Variants in RAB28 observed in about 807,000 individuals in gnomAD.
RAB28 encodes ras-related protein Rab-28.
Under a neutral mutation model 31.7 loss-of-function variants are expected in RAB28, and 24 were observed. That is an observed-to-expected ratio of 0.76 (90% CI 0.55 to 1.06). RAB28 has a LOEUF of 1.06. RAB28 is among the 50% of genes least tolerant of loss of function. RAB28 has a pLI of 0.00. For missense variants in RAB28, 254 were observed against 258.5 expected (o/e 0.98, Z 0.12); for synonymous variants, 100 against 90.4 (o/e 1.11, Z -0.60).
At chr4:13,454,439 A>G (rs1715179774) in intron 4 of RAB28, among the ~76,000 whole-genome samples, 1 of 152,050 alleles carries the variant, frequency 6.6e-6, no homozygotes, top group Admixed American at 6.5e-5. Context: ...ATTTCTATGC[A>G]TCTGGTAGAA....
chr4:13,411,459 T>A (rs116424616), intron 4 of RAB28, among the ~76,000 whole-genome samples: 86 of 152,198 alleles, frequency 5.7e-4, no homozygotes, highest in African/African-American at 1.5e-3. Context: ...GTAAACTTAA[T>A]AACAATCTGA....
chr4:13,414,310 CACTT>C (rs1320647262), intron 4 of RAB28, among the ~76,000 whole-genome samples: 1 of 152,144 alleles, frequency 6.6e-6, no homozygotes, highest in Non-Finnish European at 1.5e-5. Flanking sequence ...GAAGATCAGA[CACTT>C]AAGCTGTAAG....
In RAB28 at chr4:13,384,735, C is replaced by T. The variant is rs138280621; in HGVS notation, c.392-3141G>A. 4.6e-3 allele frequency among the ~76,000 whole-genome samples: 707 copies of T among 152,122 alleles called. 6 individuals are homozygous for T. Among genetic ancestry groups the T allele is most frequent in the African/African-American group, 0.016 (665 of 41,504 alleles). ...TCCAAAGATCAGCAACATCAAAGAC[C>T]GAAAGAACATAAGCCCCCAAAGATG... On this transcript the variant is annotated intron_variant, in intron 4 of 6. Coordinates refer to ENST00000330852, the MANE Select transcript of RAB28 (RefSeq NM_001017979.3).
At chr4:13,433,198 T>TTG (rs915249397) in intron 4 of RAB28, among the ~76,000 whole-genome samples, 1 of 148,952 alleles carries the variant, frequency 6.7e-6, no homozygotes, top group Non-Finnish European at 1.5e-5. Flanking sequence ...TAAATCAGAC[T>TTG]TTAAACCAAC....
At chr4:13,444,663 T>C (rs1457802548) in intron 4 of RAB28, among the ~76,000 whole-genome samples, 1 of 152,252 alleles carries the variant, frequency 6.6e-6, no homozygotes, top group Non-Finnish European at 1.5e-5. Flanking sequence ...TTGCCAATAC[T>C]TACCTTTTGT....
At chr4:13,435,965 A>G (rs974850158) in intron 4 of RAB28, among the ~76,000 whole-genome samples, 1 of 152,172 alleles carries the variant, frequency 6.6e-6, no homozygotes, top group African/African-American at 2.4e-5. Context: ...AATCCTCTAC[A>G]AAAACAGTGG....
At position 13,381,577 on chromosome 4, in the gene RAB28, G is replaced by T. The variant is rs398123044; in HGVS notation, c.409C>A (p.Arg137=). ...VGNKIDLEHM[R]TIKPEKHLRF... is the part of the protein sequence containing the mutation. ...AAGTGTTTTTCAGGTTTTATTGTTCGCATATGCTCCAAATCAACTAGAAAG... is the reference window on the plus strand; with the variant it reads ...AAGTGTTTTTCAGGTTTTATTGTTCTCATATGCTCCAAATCAACTAGAAAG... The change falls in exon 5 of 7, where the codon CGA becomes AGA. Residue 137 remains arginine, a synonymous_variant. Transcript: ENST00000330852. The T allele has an allele frequency of 1.2e-6, 2 of 1,612,062 alleles. No individual in the cohort carries two copies. Among genetic ancestry groups the T allele is most frequent in the Non-Finnish European group, 1.7e-6 (2 of 1,178,968 alleles).
At chr4:13,452,772 C>T (rs888305378) in intron 4 of RAB28, among the ~76,000 whole-genome samples, 16 of 151,972 alleles carry the variant, frequency 1.1e-4, no homozygotes, top group African/African-American at 3.4e-4. Flanking sequence ...GTTCTGTAAA[C>T]GTCTGTTAGG....
chr4:13,447,788 T>A (rs763922607), intron 4 of RAB28, among the ~76,000 whole-genome samples: 1 of 152,126 alleles, frequency 6.6e-6, no homozygotes, highest in Non-Finnish European at 1.5e-5. Context: ...GCAAACAGGA[T>A]CTTAATAATC....
chr4:13,393,194 A>T (rs1729722169), intron 4 of RAB28, among the ~76,000 whole-genome samples: 1 of 152,212 alleles, frequency 6.6e-6, no homozygotes, highest in Non-Finnish European at 1.5e-5. Context: ...AACTTCTACA[A>T]CTGCTTAGGG....
At chr4:13,398,348 C>T (rs1172678586) in intron 4 of RAB28, among the ~76,000 whole-genome samples, 1 of 152,140 alleles carries the variant, frequency 6.6e-6, no homozygotes, top group East Asian at 1.9e-4. Flanking sequence ...CATTTGCAAA[C>T]TTCCACATAC....
chr4:13,368,389 C>A lies in RAB28; in HGVS notation c.*169G>T, dbSNP rs1372622898. 1.6e-6 allele frequency: 2 copies of A among 1,244,786 alleles called. No individual in the cohort carries two copies. Among genetic ancestry groups the A allele is most frequent in the Non-Finnish European group, 2.0e-6 (2 of 993,546 alleles). 77.1% of individuals were successfully genotyped at this position (1,244,786 alleles called of 1,614,324 possible). On this transcript the variant is annotated 3_prime_UTR_variant, in exon 7 of 7. Coordinates refer to ENST00000330852, the MANE Select transcript of RAB28 (RefSeq NM_001017979.3). Reference sequence around the variant, plus strand: ...GTCCCAAAGTTGAATTCTTTCAAATCCAAGGAGCTGCCTGCCACTGTGAGG... The same window carrying A: ...GTCCCAAAGTTGAATTCTTTCAAATACAAGGAGCTGCCTGCCACTGTGAGG...
intron 4 of RAB28, among the ~76,000 whole-genome samples, chr4:13,390,977 T>C (rs1287839179): frequency 6.6e-6 from 1 of 152,134 alleles, no homozygotes; most frequent in Non-Finnish European, 1.5e-5. Context: ...GGCAATACAA[T>C]TCAGGACATA....
Position 13,484,188 on chromosome 4 carries a change from GGGGAA to G in RAB28, c.-43_-39del. The stretch of plus-strand genomic sequence containing the variant: ...ACCAGGCCCGCCCCTCGAGGTGGGG[GGGGAA>G]GGGAAGGATGAAGGCTCCGGGGGCG... On this transcript the variant is annotated 5_prime_UTR_variant, in exon 1 of 7. Coordinates refer to ENST00000330852, the MANE Select transcript of RAB28 (RefSeq NM_001017979.3). 6.5e-7 allele frequency: 1 copy of G among 1,532,068 alleles called. No homozygotes were observed. The highest frequency in any genetic ancestry group is 8.9e-7 in the Non-Finnish European group (1 of 1,126,356). 94.9% of individuals were successfully genotyped at this position (1,532,068 alleles called of 1,614,324 possible). A position where few individuals can be genotyped will look rare whatever the true frequency, so the allele number is the denominator to read the frequency against.
At chr4:13,439,666 GT>G (rs1185629290) in intron 4 of RAB28, among the ~76,000 whole-genome samples, 1 of 152,198 alleles carries the variant, frequency 6.6e-6, no homozygotes, top group African/African-American at 2.4e-5. Flanking sequence ...TTATACCTAT[GT>G]TTTCGTCTAA....
At chr4:13,483,985 G>C in intron 1 of RAB28, 91 bp downstream of exon 1, 1 of 1,252,056 alleles carries the variant, frequency 8.0e-7, no homozygotes, top group East Asian at 2.6e-5. Context: ...GAGGGCTCGG[G>C]GTAACGAGGC....
rs1715552287 is a variant in RAB28, at chr4:13,460,790, GC to G, written c.299del (p.Ser100ThrfsTer5). The G allele has an allele frequency of 6.2e-7, 1 of 1,613,546 alleles. No individual in the cohort carries two copies. The highest frequency in any genetic ancestry group is 1.3e-5 in the African/African-American group (1 of 74,964). On this transcript the variant is annotated frameshift_variant, in exon 4 of 7. Coordinates refer to ENST00000330852, the MANE Select transcript of RAB28 (RefSeq NM_001017979.3). LOFTEE classifies it high-confidence loss of function. ...LLVYDITNYQSFENLEDWYTV... is the reference protein window; with the variant it reads ...LLVYDITNYQXFENLEDWYTV... The stretch of plus-strand genomic sequence containing the variant: ...TATACCAATCTTCTAAATTCTCAAA[GC>G]TTTGATAATTTGTAATATCATATAC...
At chr4:13,433,193 C>CA (rs989513749) in intron 4 of RAB28, among the ~76,000 whole-genome samples, 129 of 147,674 alleles carry the variant, frequency 8.7e-4, no homozygotes, top group African/African-American at 2.9e-3. Context: ...TCAGATAAAT[C>CA]AGACTTTAAA....
chr4:13,425,892 T>A (rs954705340), intron 4 of RAB28, among the ~76,000 whole-genome samples: 1 of 152,198 alleles, frequency 6.6e-6, no homozygotes, highest in Non-Finnish European at 1.5e-5. Flanking sequence ...ACAATATACA[T>A]GTGATTGTCC....
Sources: allele counts gnomAD v4.1 joint callset (sites outside exome capture counted in the v4.1 genomes callset), GRCh38; gene constraint gnomAD v4.1.1; transcripts MANE v1.5; gene names NCBI Gene and HGNC (gene_info 2026-07-23, HGNC 2026-07-21).